Variants in MEI4 observed in about 807,000 individuals in gnomAD.
The protein encoded by MEI4 is meiosis-specific protein MEI4.
A neutral mutation model predicts 31.4 loss-of-function variants in MEI4; 27 were observed. The observed-to-expected ratio is 0.86, with a 90% confidence interval of 0.63 to 1.19. MEI4 has a LOEUF of 1.19. MEI4 is among the 50% of genes most tolerant of loss of function. MEI4 has a pLI of 0.00. For missense variants in MEI4, 329 were observed against 398.9 expected (o/e 0.82, Z 1.49); for synonymous variants, 122 against 145.4 (o/e 0.84, Z 1.16).
intron 4 of MEI4, among the ~76,000 whole-genome samples, chr6:77,846,521 T>C (rs1770491338): frequency 6.6e-6 from 1 of 152,306 alleles, no homozygotes; most frequent in South Asian, 2.1e-4. Context: ...CTGTTTCTCA[T>C]AGGATCTGTA....
At chr6:77,744,160 C>G (rs1249252026) in intron 2 of MEI4, among the ~76,000 whole-genome samples, 2 of 152,120 alleles carry the variant, frequency 1.3e-5, no homozygotes, top group African/African-American at 2.4e-5. Context: ...TTCAGACGAT[C>G]AAACTACTCC....
At chr6:77,706,739 G>A (rs891647135) in intron 2 of MEI4, among the ~76,000 whole-genome samples, 1 of 152,028 alleles carries the variant, frequency 6.6e-6, no homozygotes, top group Non-Finnish European at 1.5e-5. Context: ...GTGAGCTCTG[G>A]TTGTGTAAAA....
intron 1 of MEI4, among the ~76,000 whole-genome samples, chr6:77,661,764 C>T (rs373704792): frequency 3.3e-5 from 5 of 151,692 alleles, no homozygotes; most frequent in South Asian, 2.1e-4. Flanking sequence ...TTTCCTTGGT[C>T]TAAGAACCAT....
rs79099733 is a variant in MEI4, at chr6:77,763,817, G to A, written c.768+2152G>A. Among the ~76,000 whole-genome samples, 809 of 151,954 alleles carry A rather than the reference G, an allele frequency of 5.3e-3. 3 individuals carry two copies. Among genetic ancestry groups the A allele is most frequent in the Middle Eastern group, 0.017 (5 of 294 alleles). ...GTGTAGTCGTCAGATTATTTGTTGG[G>A]AGACTTTTTTTTTTCTAGACGGAGT... On this transcript the variant is annotated intron_variant, in intron 3 of 4. Transcript: ENST00000684080.
At chr6:77,731,817 G>A (rs1767002851) in intron 2 of MEI4, among the ~76,000 whole-genome samples, 1 of 152,028 alleles carries the variant, frequency 6.6e-6, no homozygotes, top group East Asian at 1.9e-4. Context: ...AAGGTGTAAG[G>A]AAGGGATCCA....
At chr6:77,674,304 G>T (rs867112187) in intron 1 of MEI4, among the ~76,000 whole-genome samples, 1 of 152,040 alleles carries the variant, frequency 6.6e-6, no homozygotes, top group Admixed American at 6.6e-5. Context: ...ATAAAAAAGC[G>T]CAACAAAATG....
chr6:77,912,070 T>C (rs1766446574), intron 4 of MEI4, among the ~76,000 whole-genome samples: 1 of 152,106 alleles, frequency 6.6e-6, no homozygotes, highest in Non-Finnish European at 1.5e-5. Flanking sequence ...TTTAACATCA[T>C]TTACTAATGT....
Position 77,784,247 on chromosome 6 carries a change from G to C in MEI4, c.768+22582G>C, listed in dbSNP as rs546132047. On this transcript the variant is annotated intron_variant, in intron 3 of 4. Transcript: ENST00000684080. ...TACACACACCAATAAATAACTGAAA[G>C]AACAAAATATCTTTGTTTTTGATGA... Among the ~76,000 whole-genome samples the C allele has an allele frequency of 5.6e-4, 86 of 152,214 alleles. 2 individuals are homozygous for C. Among genetic ancestry groups the C allele is most frequent in the African/African-American group, 1.9e-3 (77 of 41,564 alleles).
intron 4 of MEI4, among the ~76,000 whole-genome samples, chr6:77,837,739 C>A (rs947983993): frequency 2.6e-5 from 4 of 151,854 alleles, no homozygotes; most frequent in African/African-American, 9.7e-5. Context: ...TTAAACAAAC[C>A]AAAAAATGGA....
chr6:77,908,291 T>G (rs1188284080), intron 4 of MEI4, among the ~76,000 whole-genome samples: 5 of 152,162 alleles, frequency 3.3e-5, no homozygotes, highest in African/African-American at 4.8e-5. Flanking sequence ...GGTCTAACAT[T>G]TAAGTCTTTA....
intron 4 of MEI4, among the ~76,000 whole-genome samples, chr6:77,845,884 GTT>G (rs11294532): frequency 0.29 from 41,857 of 143,378 alleles, 6,478 homozygotes; most frequent in South Asian, 0.39. Context: ...CAGAAGTCTT[GTT>G]TTTTTTTTTT....
intron 3 of MEI4, 103 bp from the exon 4 acceptor site, chr6:77,828,827 AC>A (rs1770015272): frequency 2.4e-6 from 2 of 847,208 alleles, no homozygotes; most frequent in Non-Finnish European, 3.1e-6. Flanking sequence ...TTACATTGAT[AC>A]TTTTTATATT....
At chr6:77,757,555 A>G (rs1280031995) in intron 2 of MEI4, among the ~76,000 whole-genome samples, 1 of 152,220 alleles carries the variant, frequency 6.6e-6, no homozygotes, top group Non-Finnish European at 1.5e-5. Context: ...TGGCTTGCCA[A>G]AAGGCATGGC....
At chr6:77,728,151 G>A (rs963375798) in intron 2 of MEI4, among the ~76,000 whole-genome samples, 5 of 152,110 alleles carry the variant, frequency 3.3e-5, no homozygotes, top group Admixed American at 2.6e-4. Flanking sequence ...GATGTTTATT[G>A]GTTGGATGAT....
chr6:77,871,844 A>G (rs1451049084), intron 4 of MEI4, among the ~76,000 whole-genome samples: 2 of 152,216 alleles, frequency 1.3e-5, no homozygotes, highest in East Asian at 3.9e-4. Flanking sequence ...GTAGAAGGAC[A>G]TAGATGTACA....
intron 2 of MEI4, among the ~76,000 whole-genome samples, chr6:77,751,367 C>T (rs1414186449): frequency 6.6e-6 from 1 of 151,368 alleles, no homozygotes; most frequent in East Asian, 1.9e-4. Context: ...ACAAATAGAC[C>T]ACTAGCCAGA....
At chr6:77,670,402 A>G (rs1431127727) in intron 1 of MEI4, among the ~76,000 whole-genome samples, 2 of 152,124 alleles carry the variant, frequency 1.3e-5, no homozygotes, top group Non-Finnish European at 2.9e-5. Context: ...ACTGAGGCAG[A>G]AAAATTTCCA....
chr6:77,741,852 G>C (rs989042749), intron 2 of MEI4, among the ~76,000 whole-genome samples: 2 of 141,220 alleles, frequency 1.4e-5, no homozygotes, highest in Admixed American at 7.8e-5. Context: ...TCCCACCTAT[G>C]AGTGAGAACA....
At chr6:77,706,703 A>G (rs954079785) in intron 2 of MEI4, among the ~76,000 whole-genome samples, 1 of 152,088 alleles carries the variant, frequency 6.6e-6, no homozygotes, top group Non-Finnish European at 1.5e-5. Context: ...TCCTCATGGT[A>G]ATGAGTGAGT....
Sources: allele counts gnomAD v4.1 joint callset (sites outside exome capture counted in the v4.1 genomes callset), GRCh38; gene constraint gnomAD v4.1.1; transcripts MANE v1.5; gene names NCBI Gene and HGNC (gene_info 2026-07-23, HGNC 2026-07-21).